CNTD1: variants seen among roughly 807,000 people sequenced by gnomAD.
CNTD1 encodes cyclin N-terminal domain containing 1.
Under a neutral mutation model 36.3 loss-of-function variants are expected in CNTD1, and 17 were observed. The ratio of observed to expected loss-of-function variants is 0.47; its 90% confidence interval spans 0.32 to 0.70. The LOEUF (loss-of-function observed/expected upper bound fraction) is 0.70, where lower values mean the gene tolerates loss of function less well. CNTD1 is among the 30% of genes least tolerant of loss of function. CNTD1 has a pLI of 0.03. For missense variants in CNTD1, 338 were observed against 386.1 expected, an observed-to-expected ratio of 0.88 and a Z score of 1.04; for synonymous variants, 128 against 153.3, an observed-to-expected ratio of 0.83 and a Z score of 1.22.
At chr17:42,803,570 T>G in intron 1 of CNTD1, 50 bp from the exon 2 acceptor site, 2 of 1,405,922 alleles carry the variant, frequency 1.4e-6, no homozygotes, top group Non-Finnish European at 2.0e-6. Context: ...GTTCACAGAG[T>G]GGTTTTGGTT....
chr17:42,808,076 C>T (rs79489802), intron 6 of CNTD1, among the ~76,000 whole-genome samples: 3,085 of 152,236 alleles, frequency 0.02, 117 homozygotes, highest in African/African-American at 0.071. Context: ...GGCCCAAGTT[C>T]GGCTTGTTCA....
upstream of CNTD1, chr17:42,798,837 A>G (rs1218658521): frequency 6.9e-7 from 1 of 1,441,896 alleles, no homozygotes; most frequent in African/African-American, 1.4e-5. Context: ...GGAGGTGAGA[A>G]GCGGACGTGC....
intron 1 of CNTD1, among the ~76,000 whole-genome samples, chr17:42,801,552 ATGTGTGTGTG>A (rs144472008): frequency 2.2e-4 from 18 of 80,114 alleles, no homozygotes; most frequent in Middle Eastern, 6.8e-3. Context: ...TATATAATAT[ATGTGTGTGTG>A]TGTGTGTGTG....
Position 42,799,224 on chromosome 17 carries a change from C to G in CNTD1, c.157C>G (p.Pro53Ala). ...ASGRLGRFREPQIVEFVFLLS... is the reference protein window; with the variant it reads ...ASGRLGRFREAQIVEFVFLLS... ...GGGGCGGCTGGGCCGCTTCAGGGAG[C>G]CCCAGATCGTGGGTGCGGCTGCAGG... The change falls in exon 1 of 7, where the codon CCC becomes GCC. Residue 53 changes from proline to alanine, a missense_variant. Coordinates refer to ENST00000588408, the MANE Select transcript of CNTD1 (RefSeq NM_173478.3). The G allele has an allele frequency of 6.2e-7, 1 of 1,613,424 alleles. No homozygotes were observed. The highest frequency in any genetic ancestry group is 8.5e-7 in the Non-Finnish European group (1 of 1,179,752).
chr17:42,803,489 T>G, intron 1 of CNTD1, 131 bp from the exon 2 acceptor site: 1 of 676,048 alleles, frequency 1.5e-6, no homozygotes, highest in Non-Finnish European at 2.6e-6. Flanking sequence ...CTTTGGTTGT[T>G]TTAGTCTCAT....
At position 42,809,580 on chromosome 17, in the gene CNTD1, C is replaced by CCAAA. The variant is rs1341307374; in HGVS notation, c.*45_*46insCAAA. 2.6e-6 allele frequency: 4 copies of CCAAA among 1,548,430 alleles called. No individual in the cohort carries two copies. Among genetic ancestry groups the CCAAA allele is most frequent in the Non-Finnish European group, 3.6e-6 (4 of 1,124,982 alleles). ...ATATAAACAGCCATCCGTCACTGCA[C>CCAAA]TCATGCCTCCCTCTGTTTACTTTCA... On this transcript the variant is annotated 3_prime_UTR_variant, in exon 7 of 7. Coordinates refer to ENST00000588408, the MANE Select transcript of CNTD1 (RefSeq NM_173478.3).
At chr17:42,806,294 G>C (rs1323227747) in intron 4 of CNTD1, among the ~76,000 whole-genome samples, 1 of 152,034 alleles carries the variant, frequency 6.6e-6, no homozygotes, top group Non-Finnish European at 1.5e-5. Context: ...AGGAACAGTA[G>C]GAAGCTTGAT....
In CNTD1 at chr17:42,803,034, TGGGGAGAG is replaced by T. The variant is rs1487291763; in HGVS notation, c.170-584_170-577del. ...CACTTCACAGTAACACACTTGCTCC[TGGGGAGAG>T]GCTCAGCCACCACAGATTTACCCAG... On this transcript the variant is annotated intron_variant, in intron 1 of 6. Transcript: ENST00000588408. 2.0e-5 allele frequency among the ~76,000 whole-genome samples: 3 copies of T among 152,288 alleles called. No individual in the cohort carries two copies. In the East Asian group the frequency reaches 5.8e-4, roughly 29 times the overall value.
chr17:42,809,392 G>A lies in CNTD1; in HGVS notation c.850G>A (p.Gly284Ser). 1 of 1,613,900 alleles carries A rather than the reference G, an allele frequency of 6.2e-7. No homozygotes were observed. Among genetic ancestry groups the A allele is most frequent in the Non-Finnish European group, 8.5e-7 (1 of 1,179,890 alleles). Reference protein sequence around the residue: ...QVVGHLQSITGIALASIAEFS... With the variant: ...QVVGHLQSITSIALASIAEFS... ...TGTGGGGCATTTGCAGAGCATCACT[G>A]GTATTGCCTTGGCAAGCATTGCTGA... The change falls in exon 7 of 7, where the codon GGT becomes AGT. Residue 284 changes from glycine (G) to serine (S), a missense_variant. Coordinates refer to ENST00000588408, the MANE Select transcript of CNTD1 (RefSeq NM_173478.3).
chr17:42,801,158 C>T (rs1188867954), intron 1 of CNTD1, among the ~76,000 whole-genome samples: 2 of 145,550 alleles, frequency 1.4e-5, no homozygotes, highest in Non-Finnish European at 3.0e-5. Flanking sequence ...GCGCTCCAGC[C>T]TAGGCCACAG....
intron 1 of CNTD1, among the ~76,000 whole-genome samples, chr17:42,799,727 A>AGAC (rs1351318538): frequency 7.5e-6 from 1 of 133,278 alleles, no homozygotes; most frequent in Non-Finnish European, 1.6e-5. Context: ...ACTTCAGCCT[A>AGAC]GACGACAAGA....
intron 1 of CNTD1, among the ~76,000 whole-genome samples, chr17:42,802,379 GT>G (rs1295825191): frequency 2.0e-5 from 3 of 152,080 alleles, no homozygotes; most frequent in Non-Finnish European, 4.4e-5. Flanking sequence ...TCCAAGCTCA[GT>G]TTTTTTGGCA....
chr17:42,809,253 G>C, intron 6 of CNTD1, 112 bp from the exon 7 acceptor site: 1 of 1,094,062 alleles, frequency 9.1e-7, no homozygotes, highest in South Asian at 1.6e-5. Flanking sequence ...CTGGATTTCA[G>C]AAAAATGAAT....
At chr17:42,806,559 G>A in intron 4 of CNTD1, 115 bp from the exon 5 acceptor site, 3 of 1,079,212 alleles carry the variant, frequency 2.8e-6, no homozygotes, top group Non-Finnish European at 4.1e-6. Context: ...TCTTGTAGTA[G>A]AACATAGCAA....
chr17:42,803,751 C>A, intron 2 of CNTD1, 56 bp downstream of exon 2: 1 of 1,357,962 alleles, frequency 7.4e-7, no homozygotes, highest in Non-Finnish European at 1.0e-6. Flanking sequence ...GCTAATGTAC[C>A]TACATCTTTA....
Position 42,807,878 on chromosome 17 carries a change from A to C in CNTD1, c.822+14A>C. On this transcript the variant is annotated intron_variant, in intron 6 of 6. Coordinates refer to ENST00000588408, the MANE Select transcript of CNTD1 (RefSeq NM_173478.3). Reference sequence around the variant, plus strand: ...TGTTGGAGCCAGGTATGCACCACTGAGCAGGACCAGCATGGTGAGAATTCA... The same window carrying C: ...TGTTGGAGCCAGGTATGCACCACTGCGCAGGACCAGCATGGTGAGAATTCA... 1 of 1,559,522 alleles carries C rather than the reference A, an allele frequency of 6.4e-7. No homozygotes were observed. The highest frequency in any genetic ancestry group is 8.8e-7 in the Non-Finnish European group (1 of 1,130,650).
At chr17:42,800,360 C>T (rs1479251440) in intron 1 of CNTD1, among the ~76,000 whole-genome samples, 4 of 152,032 alleles carry the variant, frequency 2.6e-5, no homozygotes, top group African/African-American at 9.7e-5. Context: ...GACAGTGTTT[C>T]TACCAAAAAG....
upstream of CNTD1, chr17:42,798,826 G>T (rs1349116507): frequency 1.4e-6 from 2 of 1,444,980 alleles, no homozygotes; most frequent in Non-Finnish European, 1.8e-6. Context: ...GGATGGACGC[G>T]GGAGGTGAGA....
In CNTD1 at chr17:42,810,911, C is replaced by A; in HGVS notation, c.*1376C>A. 1 of 1,610,056 alleles carries A rather than the reference C, an allele frequency of 6.2e-7. No individual in the cohort carries two copies. The highest frequency in any genetic ancestry group is 8.5e-7 in the Non-Finnish European group (1 of 1,178,392). ...ACTGCCTCCTGTGTCTTCAATCTTG[C>A]CTTTCTCCACATCCATCCTGCAGAT... On this transcript the variant is annotated 3_prime_UTR_variant, in exon 7 of 7. Coordinates refer to ENST00000588408, the MANE Select transcript of CNTD1 (RefSeq NM_173478.3).
Sources: allele counts gnomAD v4.1 joint callset (sites outside exome capture counted in the v4.1 genomes callset), GRCh38; gene constraint gnomAD v4.1.1; transcripts MANE v1.5; gene names NCBI Gene and HGNC (gene_info 2026-07-23, HGNC 2026-07-21).